F7: variants seen among roughly 807,000 people sequenced by gnomAD.
The protein encoded by F7 is FVII coagulation protein.
A neutral mutation model predicts 47.5 loss-of-function variants in F7; 38 were observed. The ratio of observed to expected loss-of-function variants is 0.80; its 90% CI spans 0.62 to 1.05. F7 has a LOEUF of 1.05. Among genes scored for constraint, F7 ranks in the 50% least tolerant of loss-of-function variants. F7 has a pLI of 0.00. For synonymous variants in F7, 244 were observed against 258.5 expected (o/e 0.94, Z 0.54); for missense variants, 575 against 605.4 (o/e 0.95, Z 0.53).
At chr13:113,118,273 G>T (rs2036231830) in intron 7 of F7, 140 bp from the exon 8 acceptor site, 1 of 937,568 alleles carries the variant, frequency 1.1e-6, no homozygotes, top group Non-Finnish European at 1.6e-6. Context: ...GCCCCACCTT[G>T]GGGTTAGATG....
chr13:113,106,772 A>G, intron 1 of F7: 2 of 1,442,648 alleles, frequency 1.4e-6, no homozygotes, highest in East Asian at 2.5e-5. Context: ...TGTGAGGGAC[A>G]GTGCCTGGGA....
intron 4 of F7, 114 bp downstream of exon 4, chr13:113,114,074 T>C: frequency 9.0e-7 from 1 of 1,111,630 alleles, no homozygotes; most frequent in Non-Finnish European, 1.3e-6. Flanking sequence ...AGGCCGGGCA[T>C]TCAGGGCTCA....
intron 1 of F7, chr13:113,106,864 A>G (rs1241398301): frequency 6.2e-7 from 1 of 1,605,566 alleles, no homozygotes; most frequent in African/African-American, 1.3e-5. Flanking sequence ...CTAAGGCCTC[A>G]GGAGGAGAAA....
At chr13:113,106,747 G>T in intron 1 of F7, 1 of 1,185,966 alleles carries the variant, frequency 8.4e-7, no homozygotes, top group Non-Finnish European at 1.2e-6. Flanking sequence ...TGGGGATGGC[G>T]AGTGGGGGGT....
intron 7 of F7, 45 bp from the exon 8 acceptor site, chr13:113,118,368 G>T: frequency 6.4e-7 from 1 of 1,550,534 alleles, no homozygotes; most frequent in East Asian, 2.3e-5. Flanking sequence ...AGGGGGTGAG[G>T]TGGCAGGTGG....
intron 5 of F7, 35 bp downstream of exon 5, chr13:113,115,835 C>G (rs182854845): frequency 6.2e-7 from 1 of 1,612,522 alleles, no homozygotes; most frequent in East Asian, 2.2e-5. Context: ...CCAGATGACA[C>G]CAGTCCCTGT....
chr13:113,118,418 C>T lies in F7; in HGVS notation c.745C>T (p.His249Tyr), dbSNP rs765880725. Residue 249 changes from histidine (H) to tyrosine (Y), a missense_variant, in exon 8 of 8, where the codon CAC becomes TAC. Coordinates refer to ENST00000346342, the MANE Select transcript of F7 (RefSeq NM_019616.4). ...WRNLIAVLGE[H>Y]DLSEHDGDEQ... ...GGGGGGCTTCTTCCTTCCAGGCGAG[C>T]ACGACCTCAGCGAGCACGACGGGGA... 4 of 1,592,794 alleles carry T rather than the reference C, an allele frequency of 2.5e-6. No individual in the cohort carries two copies. The highest frequency in any genetic ancestry group is 4.5e-5 in the East Asian group (2 of 44,482).
chr13:113,106,543 TGTGGGGTGTCGGGGATGG>T (rs2035960003), intron 1 of F7, among the ~76,000 whole-genome samples: 1 of 2,146 alleles, frequency 4.7e-4, no homozygotes, highest in Non-Finnish European at 7.5e-4. Flanking sequence ...GGATGGGGTG[TGTGGGGTGTCGGGGATGG>T]GGCATGTGGG....
chr13:113,112,327 C>T (rs2036117246), intron 2 of F7, among the ~76,000 whole-genome samples: 1 of 150,048 alleles, frequency 6.7e-6, no homozygotes, highest in East Asian at 2.1e-4. Flanking sequence ...ACCTCACACT[C>T]ACAGGTCACC....
chr13:113,113,633 C>G lies in F7; in HGVS notation c.226-119C>G. 9.7e-7 allele frequency: 1 copy of G among 1,031,638 alleles called. No individual in the cohort carries two copies. The highest frequency in any genetic ancestry group is 1.7e-5 in the Admixed American group (1 of 59,096). 63.9% of individuals were successfully genotyped at this position (1,031,638 alleles called of 1,614,324 possible). A position where few individuals can be genotyped will look rare whatever the true frequency, so the allele number is the denominator to read the frequency against. ...CCAGAGGAAAGTCTGGCTTCCTGAGCCCACCCCGCCAGACCCAGGTCCAAG... is the reference window on the plus strand; with the variant it reads ...CCAGAGGAAAGTCTGGCTTCCTGAGGCCACCCCGCCAGACCCAGGTCCAAG... On this transcript the variant is annotated intron_variant, in intron 2 of 7. Transcript: ENST00000346342. The surrounding 1 kb of genome is among the most constrained non-coding windows in gnomAD (Gnocchi z 4.1).
intron 2 of F7, among the ~76,000 whole-genome samples, chr13:113,112,263 A>G (rs2036115603): frequency 7.0e-6 from 1 of 141,988 alleles, no homozygotes; most frequent in African/African-American, 2.7e-5. Flanking sequence ...CTCATAGGTC[A>G]CCTCAGTCTT....
At position 113,116,835 on chromosome 13, in the gene F7, T is replaced by TG. The variant is rs748874982; in HGVS notation, c.581dup (p.Lys195GlnfsTer64). ...GCCAGCAAACCCCAAGGCCGAATTGTGGGGGGCAAGGTGTGCCCCAAAGGG... is the reference window on the plus strand; with the variant it reads ...GCCAGCAAACCCCAAGGCCGAATTGTGGGGGGGCAAGGTGTGCCCCAAAGGG... On this transcript the variant is annotated frameshift_variant, in exon 6 of 8. Transcript: ENST00000346342. LOFTEE classifies it high-confidence loss of function. The TG allele has an allele frequency of 3.1e-6, 5 of 1,613,828 alleles. No individual in the cohort carries two copies. Among genetic ancestry groups the TG allele is most frequent in the Non-Finnish European group, 3.4e-6 (4 of 1,180,026 alleles).
intron 2 of F7, among the ~76,000 whole-genome samples, chr13:113,111,637 G>A (rs367737891): frequency 1.1e-3 from 111 of 105,080 alleles, no homozygotes; most frequent in South Asian, 4.2e-3. Context: ...TCACACTCAC[G>A]GGTCACCTCA....
chr13:113,106,631 T>TG (rs1434546295), intron 1 of F7, among the ~76,000 whole-genome samples: 5 of 6,544 alleles, frequency 7.6e-4, no homozygotes, highest in East Asian at 4.5e-3. Flanking sequence ...CATGGGGGGG[T>TG]GGGGATGGCG....
Position 113,116,864 on chromosome 13 carries a change from T to C in F7, c.604T>C (p.Cys202Arg). 3 of 1,612,720 alleles carry C rather than the reference T, an allele frequency of 1.9e-6. No homozygotes were observed. The highest frequency in any genetic ancestry group is 2.5e-6 in the Non-Finnish European group (3 of 1,179,524). ...VGGKVCPKGE[C>R]PWQVLLLVNG... ...GGGCAAGGTGTGCCCCAAAGGGGAG[T>C]GTCCATGGCAGGTAAGGCTTCCCCT... The change falls in exon 6 of 8, where the codon TGT becomes CGT. Residue 202 changes from cysteine (C) to arginine (R), a missense_variant. By Grantham distance (180) the Cys-to-Arg change is radical. Coordinates refer to ENST00000346342, the MANE Select transcript of F7 (RefSeq NM_019616.4).
Position 113,113,913 on chromosome 13 carries a change from A to G in F7, c.317A>G (p.Tyr106Cys). ...GGSCKDQLQS[Y>C]ICFCLPAFEG... is the part of the protein sequence containing the mutation. ...TCCTGCAAGGACCAGCTCCAGTCCT[A>G]TATCTGCTTCTGCCTCCCTGCCTTC... Residue 106 changes from tyrosine to cysteine, a missense_variant, in exon 4 of 8, where the codon TAT (tyrosine) becomes TGT (cysteine). Tyr to Cys is a radical substitution (Grantham distance 194). Transcript: ENST00000346342. The surrounding 1 kb of genome is among the most constrained non-coding windows in gnomAD (Gnocchi z 4.1). The G allele has an allele frequency of 8.7e-6, 14 of 1,614,124 alleles. No homozygotes were observed. The highest frequency in any genetic ancestry group is 1.3e-5 in the African/African-American group (1 of 75,040).
At chr13:113,114,015 G>C in intron 4 of F7, 55 bp downstream of exon 4, 2 of 1,601,602 alleles carry the variant, frequency 1.2e-6, no homozygotes, top group Non-Finnish European at 1.7e-6. Flanking sequence ...AGCTGGTGGA[G>C]GTGGCCTGGC....
At chr13:113,116,724 C>T in intron 5 of F7, 42 bp from the exon 6 acceptor site, 1 of 1,423,254 alleles carries the variant, frequency 7.0e-7, no homozygotes, top group South Asian at 1.1e-5. Context: ...CACGTTCATC[C>T]CTCACAAATC....
At chr13:113,117,149 T>G in intron 6 of F7, 5 of 605,028 alleles carry the variant, frequency 8.3e-6, no homozygotes, top group South Asian at 7.7e-5. Context: ...ACGGTTACTC[T>G]TTGAGGTGGG....
Sources: gnomAD v4.1 joint callset for allele counts (sites outside exome capture counted in the v4.1 genomes callset) on GRCh38, gnomAD v4.1.1 for gene constraint, Gnocchi (gnomAD v3.1) non-coding constraint, MANE v1.5 for transcripts, NCBI Gene and HGNC (gene_info 2026-07-23, HGNC 2026-07-21) for gene names.